The following COPG2 variants were observed in gnomAD, a reference collection of about 807,000 sequenced individuals.
COPG2 encodes the protein coatomer subunit gamma-2.
A neutral mutation model predicts 46.3 loss-of-function variants in COPG2; 37 were observed. The observed-to-expected ratio is 0.80, with a 90% CI of 0.61 to 1.05. The LOEUF is 1.05. COPG2 is among the 50% of genes least tolerant of loss of function. COPG2 has a pLI of 0.00. For missense variants in COPG2, 427 were observed against 387.8 expected (o/e 1.10, Z -0.85); for synonymous variants, 159 against 129.7 (o/e 1.23, Z -1.53).
At chr7:130,524,069 C>T (rs1020640969) in intron 20 of COPG2, among the ~76,000 whole-genome samples, 2 of 151,926 alleles carry the variant, frequency 1.3e-5, no homozygotes, top group African/African-American at 4.8e-5. Flanking sequence ...GCATGTTCCC[C>T]AGAGTGTTTT....
At chr7:130,509,934 A>G (rs1448152546) in intron 20 of COPG2, 4 of 472,802 alleles carry the variant, frequency 8.5e-6, no homozygotes, top group Non-Finnish European at 1.7e-5. Context: ...AAGCAGAGGA[A>G]GATGTACAAA....
At chr7:130,629,716 A>C (rs1362253169) in intron 5 of COPG2, among the ~76,000 whole-genome samples, 2 of 151,638 alleles carry the variant, frequency 1.3e-5, no homozygotes, top group Non-Finnish European at 2.9e-5. Flanking sequence ...AATTCTACAT[A>C]TGCTAGTCTG....
chr7:130,538,150 C>T (rs1196095367), intron 20 of COPG2, among the ~76,000 whole-genome samples: 3 of 151,792 alleles, frequency 2.0e-5, no homozygotes, highest in Admixed American at 6.6e-5. Context: ...ATTGACCTGG[C>T]GGAGACAGGG....
At chr7:130,659,715 C>T (rs1554460406) in intron 4 of COPG2, among the ~76,000 whole-genome samples, 1 of 152,064 alleles carries the variant, frequency 6.6e-6, no homozygotes. Context: ...AAATTGAGAC[C>T]ATCCTGGCCA....
Position 130,613,654 on chromosome 7 carries a change from G to GA in COPG2, c.400-19dup. Reference sequence around the variant, plus strand: ...ATTGTTCCCTAATAACATTCAAAAAGAAAAAATTGTTAAGGAAAAACATGC... The same window carrying GA: ...ATTGTTCCCTAATAACATTCAAAAAGAAAAAAATTGTTAAGGAAAAACATGC... On this transcript the variant is annotated intron_variant, in intron 6 of 23. Coordinates refer to ENST00000425248, the MANE Select transcript of COPG2 (RefSeq NM_012133.6). 1.3e-6 allele frequency: 2 copies of GA among 1,538,786 alleles called. No individual in the cohort carries two copies. Among genetic ancestry groups the GA allele is most frequent in the South Asian group, 2.4e-5 (2 of 84,440 alleles).
chr7:130,631,546 T>TA (rs1795231920), intron 5 of COPG2, among the ~76,000 whole-genome samples: 1 of 152,032 alleles, frequency 6.6e-6, no homozygotes, highest in Non-Finnish European at 1.5e-5. Context: ...GTTGGCTTAT[T>TA]AGCTATAATT....
chr7:130,513,290 TAAAA>T (rs1205677638), intron 20 of COPG2, among the ~76,000 whole-genome samples: 1,226 of 19,870 alleles, frequency 0.062, 40 homozygotes, highest in Middle Eastern at 0.11. Flanking sequence ...TAATTCTGTC[TAAAA>T]AAAAAAAAAA....
intron 5 of COPG2, among the ~76,000 whole-genome samples, chr7:130,638,933 C>T (rs1234451340): frequency 6.6e-6 from 1 of 152,206 alleles, no homozygotes; most frequent in East Asian, 1.9e-4. Context: ...GGCTGAAGTG[C>T]ACCATTCCTC....
intron 9 of COPG2, among the ~76,000 whole-genome samples, chr7:130,592,818 C>A (rs1794457331): frequency 6.6e-6 from 1 of 152,190 alleles, no homozygotes; most frequent in African/African-American, 2.4e-5. Flanking sequence ...GCTAGGTTGT[C>A]AAAATTGGGC....
chr7:130,626,656 T>A (rs1554454335), intron 5 of COPG2, among the ~76,000 whole-genome samples: 1 of 152,156 alleles, frequency 6.6e-6, no homozygotes, highest in East Asian at 1.9e-4. Context: ...GTTGAGCTGC[T>A]TTTCATGTTT....
intron 20 of COPG2, among the ~76,000 whole-genome samples, chr7:130,522,215 A>T (rs1290436616): frequency 2.0e-5 from 3 of 152,222 alleles, no homozygotes; most frequent in Non-Finnish European, 2.9e-5. Flanking sequence ...GGACTAAGAG[A>T]GTCTTTAAGA....
intron 20 of COPG2, among the ~76,000 whole-genome samples, chr7:130,520,400 T>G (rs1799714669): frequency 6.6e-6 from 1 of 152,158 alleles, no homozygotes; most frequent in Non-Finnish European, 1.5e-5. Flanking sequence ...GGGTTTGGAA[T>G]ATGCAAGGTA....
intron 9 of COPG2, chr7:130,605,063 C>T (rs1554451029): frequency 4.6e-6 from 2 of 433,670 alleles, no homozygotes; most frequent in Non-Finnish European, 8.9e-6. Context: ...CATTCTATCA[C>T]CTTTGCTTCC....
intron 5 of COPG2, among the ~76,000 whole-genome samples, chr7:130,628,132 TTTG>T (rs1795150282): frequency 6.6e-6 from 1 of 152,196 alleles, no homozygotes; most frequent in South Asian, 2.1e-4. Flanking sequence ...TGTTTTTGTT[TTTG>T]TTGTTGTTTT....
At chr7:130,657,237 T>G (rs1795875752) in intron 4 of COPG2, among the ~76,000 whole-genome samples, 1 of 151,910 alleles carries the variant, frequency 6.6e-6, no homozygotes, top group African/African-American at 2.4e-5. Flanking sequence ...CTCCCCCTCC[T>G]CCCCTTTCTC....
chr7:130,534,143 C>A (rs1475196803), intron 20 of COPG2, among the ~76,000 whole-genome samples: 3 of 151,972 alleles, frequency 2.0e-5, no homozygotes, highest in South Asian at 2.1e-4. Flanking sequence ...CAGAGCAGAT[C>A]GAAGAAGCAA....
intron 14 of COPG2, 135 bp from the exon 15 acceptor site, chr7:130,552,565 G>A: frequency 2.5e-6 from 1 of 392,196 alleles, no homozygotes; most frequent in Middle Eastern, 6.4e-4. Flanking sequence ...AGTGTTTCTT[G>A]ATCTTATTTC....
chr7:130,612,289 G>A lies in COPG2; in HGVS notation c.493-51C>T, dbSNP rs964266034. 6.1e-6 allele frequency: 7 copies of A among 1,145,604 alleles called. No individual in the cohort carries two copies. The African/African-American group carries it at 1.1e-4, about 18-fold the overall frequency. 71.0% of individuals were successfully genotyped at this position (1,145,604 alleles called of 1,614,324 possible). ...AATAAATAATGCTTGGTCACTAGAA[G>A]CTTAGAAACATGAGTTAGTTTTCTT... On this transcript the variant is annotated intron_variant, in intron 7 of 23. Transcript: ENST00000425248.
chr7:130,578,935 T>C (rs1222922972), intron 9 of COPG2, among the ~76,000 whole-genome samples: 5 of 149,006 alleles, frequency 3.4e-5, no homozygotes, highest in Non-Finnish European at 7.4e-5. Flanking sequence ...CAGGATATTA[T>C]CCAGCAGAAC....
Sources: gnomAD v4.1 joint callset for allele counts (sites outside exome capture counted in the v4.1 genomes callset) on GRCh38, gnomAD v4.1.1 for gene constraint, MANE v1.5 for transcripts, NCBI Gene and HGNC (gene_info 2026-07-23, HGNC 2026-07-21) for gene names.